The following PARVB variants were observed in gnomAD, a reference collection of about 807,000 sequenced individuals.
The protein encoded by PARVB is parvin beta.
A neutral mutation model predicts 47.0 loss-of-function variants in PARVB; 46 were observed. The observed-to-expected ratio is 0.98, with a 90% CI of 0.77 to 1.25. PARVB has a LOEUF of 1.25. Ranked by LOEUF, PARVB falls within the 50% of genes most tolerant of loss-of-function variation. The probability of loss-of-function intolerance (pLI) is 0.00; values close to 1 mark genes in which losing one functional copy is unlikely to be tolerated. For missense variants in PARVB, 473 were observed against 471.6 expected (o/e 1.00, Z -0.03); for synonymous variants, 196 against 196.3 (o/e 1.00, Z 0.01).
intron 1 of PARVB, among the ~76,000 whole-genome samples, chr22:44,046,573 GCA>G (rs2051115763): frequency 6.6e-6 from 1 of 152,248 alleles, no homozygotes; most frequent in African/African-American, 2.4e-5. Flanking sequence ...CCTGGGTCTG[GCA>G]CAGAGAACAC....
intron 1 of PARVB, among the ~76,000 whole-genome samples, chr22:44,054,968 C>T (rs1255561763): frequency 4.6e-5 from 5 of 107,948 alleles, no homozygotes; most frequent in Admixed American, 1.5e-4. Context: ...CCAGCCTGGG[C>T]GACAAGAGTG....
At chr22:44,061,489 A>G (rs1308332775) in intron 1 of PARVB, among the ~76,000 whole-genome samples, 1 of 152,212 alleles carries the variant, frequency 6.6e-6, no homozygotes, top group Non-Finnish European at 1.5e-5. Context: ...TCACCAACAA[A>G]TAGCAGAAAA....
At chr22:44,051,217 T>C (rs1319252033) in intron 1 of PARVB, among the ~76,000 whole-genome samples, 1 of 152,230 alleles carries the variant, frequency 6.6e-6, no homozygotes, top group African/African-American at 2.4e-5. Context: ...GTCAAAGACT[T>C]GTGCTCTGCA....
chr22:44,036,836 G>T (rs1316889548), intron 1 of PARVB, among the ~76,000 whole-genome samples: 3 of 151,924 alleles, frequency 2.0e-5, no homozygotes, highest in Non-Finnish European at 4.4e-5. Context: ...ATCAGGCGTG[G>T]TGGTGCACGT....
intron 6 of PARVB, among the ~76,000 whole-genome samples, chr22:44,135,582 G>A (rs781189684): frequency 5.5e-4 from 83 of 152,158 alleles, no homozygotes; most frequent in Admixed American, 8.5e-4. Flanking sequence ...TACCTGCCAC[G>A]CTCTGGGAGA....
At chr22:44,105,776 T>C (rs1355690460) in intron 3 of PARVB, 1 of 152,308 alleles carries the variant, frequency 6.6e-6, no homozygotes, top group Non-Finnish European at 1.5e-5. Context: ...CAAGATGGCA[T>C]GCGGCTTAGA....
rs765541939 is a variant in PARVB at position 44,163,815 on chromosome 22, G to A, written c.946-43G>A. 27 of 1,518,228 alleles carry A rather than the reference G, an allele frequency of 1.8e-5. No homozygotes were observed. The South Asian group carries it at 2.4e-4, about 13-fold the overall frequency. 94.0% of individuals were successfully genotyped at this position (1,518,228 alleles called of 1,614,324 possible). A position where few individuals can be genotyped will look rare whatever the true frequency, so the allele number is the denominator to read the frequency against. Reference sequence around the variant, plus strand: ...CCAGCAGTGGGCCGTGTGTGGGAACGACTGTTGGACCCTAACGCTGACCCA... The same window carrying A: ...CCAGCAGTGGGCCGTGTGTGGGAACAACTGTTGGACCCTAACGCTGACCCA... On this transcript the variant is annotated intron_variant, in intron 11 of 12. Coordinates refer to ENST00000338758, the MANE Select transcript of PARVB (RefSeq NM_013327.5).
intron 1 of PARVB, chr22:44,086,922 C>T (rs185301440): frequency 2.6e-6 from 2 of 775,942 alleles, no homozygotes; most frequent in East Asian, 2.5e-4. Flanking sequence ...TGCTTAAGCC[C>T]AAGCGAAGGA....
chr22:44,009,816 T>C (rs1456211081), intron 2 of PARVB, among the ~76,000 whole-genome samples: 1 of 150,858 alleles, frequency 6.6e-6, no homozygotes, highest in Non-Finnish European at 1.5e-5. Flanking sequence ...ATCTTTTTTT[T>C]TTTTTTTTTG....
intron 10 of PARVB, chr22:44,151,964 G>A (rs987515421): frequency 4.2e-5 from 8 of 191,746 alleles, no homozygotes; most frequent in Non-Finnish European, 5.5e-5. Flanking sequence ...TCATCTTCAT[G>A]TGGTGTCGTC....
chr22:44,168,565 T>C lies in PARVB; in HGVS notation c.1019-37T>C, dbSNP rs555010480. On this transcript the variant is annotated intron_variant, in intron 12 of 12. Transcript: ENST00000338758. ...AGTACCTACCGCAATGACAGGAGGA[T>C]GGCACGCCTCTGAAGTTTCTCTGTT... 5 of 1,415,706 alleles carry C rather than the reference T, an allele frequency of 3.5e-6. No individual in the cohort carries two copies. The East Asian group carries it at 6.8e-5, about 19-fold the overall frequency. 87.7% of individuals were successfully genotyped at this position (1,415,706 alleles called of 1,614,324 possible).
intron 1 of PARVB, among the ~76,000 whole-genome samples, chr22:44,071,120 C>G (rs548587328): frequency 6.6e-6 from 1 of 152,276 alleles, no homozygotes; most frequent in East Asian, 1.9e-4. Context: ...GGAACAGATA[C>G]TGAGCGCTCT....
chr22:44,045,560 G>A (rs2146927262), intron 1 of PARVB, among the ~76,000 whole-genome samples: 1 of 152,304 alleles, frequency 6.6e-6, no homozygotes, highest in South Asian at 2.1e-4. Flanking sequence ...TTGAGAGCAG[G>A]TATGGGGCTG....
At chr22:44,069,331 AG>A (rs1432025981) in intron 1 of PARVB, among the ~76,000 whole-genome samples, 3 of 152,158 alleles carry the variant, frequency 2.0e-5, no homozygotes, top group Non-Finnish European at 4.4e-5. Context: ...ACGATGGGCA[AG>A]GGGGTCCAGG....
At chr22:44,006,410 G>T (rs756472883) in intron 2 of PARVB, among the ~76,000 whole-genome samples, 27 of 152,188 alleles carry the variant, frequency 1.8e-4, no homozygotes, top group Non-Finnish European at 3.5e-4. Context: ...CAGATCACGG[G>T]GTCAGGAGAT....
intron 1 of PARVB, among the ~76,000 whole-genome samples, chr22:44,032,665 T>C (rs886770996): frequency 2.0e-5 from 3 of 152,014 alleles, no homozygotes; most frequent in Non-Finnish European, 4.4e-5. Context: ...CAATCAGAAT[T>C]CGTTATGGAT....
chr22:44,120,393 C>A (rs543356422), intron 4 of PARVB, among the ~76,000 whole-genome samples: 2 of 152,202 alleles, frequency 1.3e-5, no homozygotes, highest in African/African-American at 2.4e-5. Flanking sequence ...GTCTTTCTGT[C>A]TTTTATGACG....
rs139928768 is a variant in PARVB at position 44,046,343 on chromosome 22, C to G, written c.112+21892C>G. On this transcript the variant is annotated intron_variant, in intron 1 of 12. Coordinates refer to ENST00000338758, the MANE Select transcript of PARVB (RefSeq NM_013327.5). ...GGACCCTTAGCACAACAGAGCTGCTCCTTGGTGCTAGGAGATGCGTCCTGA... is the reference window on the plus strand; with the variant it reads ...GGACCCTTAGCACAACAGAGCTGCTGCTTGGTGCTAGGAGATGCGTCCTGA... 8.1e-3 allele frequency among the ~76,000 whole-genome samples: 1,230 copies of G among 152,330 alleles called. 23 individuals are homozygous for G. Among genetic ancestry groups the G allele is most frequent in the African/African-American group, 0.028 (1,178 of 41,570 alleles).
chr22:44,081,486 A>G (rs1194861808), intron 1 of PARVB: 9 of 388,202 alleles, frequency 2.3e-5, no homozygotes, highest in Admixed American at 6.4e-5. Flanking sequence ...TTCTCAGCAG[A>G]CAACGCTTTG....
Sources: gnomAD v4.1 joint callset for allele counts (sites outside exome capture counted in the v4.1 genomes callset) on GRCh38, gnomAD v4.1.1 for gene constraint, MANE v1.5 for transcripts, NCBI Gene and HGNC (gene_info 2026-07-23, HGNC 2026-07-21) for gene names.